Variants in ANXA11 observed in about 807,000 individuals in gnomAD.
ANXA11 encodes annexin A11, also known as 56 kDa autoantigen.
ANXA11 carries 57 observed loss-of-function variants against 64.7 expected under a neutral mutation model. The observed-to-expected ratio is 0.88, with a 90% CI of 0.71 to 1.10. ANXA11 has a LOEUF of 1.10. Ranked by LOEUF, ANXA11 falls within the 50% of genes least tolerant of loss-of-function variation. The pLI is 0.00. For synonymous variants in ANXA11, 260 were observed against 265.2 expected (o/e 0.98, Z 0.19); for missense variants, 675 against 670.7 (o/e 1.01, Z -0.07).
rs535327650 is a variant in ANXA11 at position 80,164,079 on chromosome 10, C to T, written c.923G>A (p.Arg308Gln). Residue 308 changes from arginine to glutamine, a missense_variant, in exon 9 of 16, where the codon CGA (arginine) becomes CAA (glutamine). By Grantham distance (43) the Arg-to-Gln change is conservative. Transcript: ENST00000422982. ...ILASRSNEHI[R>Q]ELNRAYKAEF... is the part of the protein sequence containing the mutation. ...TGCTTTGTAGGCTCTGTTTAATTCT[C>T]GGATGTGCTCATTGCTGCGGGAAGC... The T allele has an allele frequency of 8.7e-6, 14 of 1,613,994 alleles. No homozygotes were observed. Among genetic ancestry groups the T allele is most frequent in the Admixed American group, 8.3e-5 (5 of 59,998 alleles).
rs756529800 is a variant in ANXA11, at chr10:80,167,004, G to C, written c.650-20C>G. On this transcript the variant is annotated intron_variant, in intron 6 of 15. Transcript: ENST00000422982. ...CCGTCCCTGGAGGAAGAGGCAGCAG[G>C]GGTGGGTCGGGTAGGGGTCATGAGA... 2 of 1,549,274 alleles carry C rather than the reference G, an allele frequency of 1.3e-6. No homozygotes were observed. The highest frequency in any genetic ancestry group is 1.8e-6 in the Non-Finnish European group (2 of 1,138,142).
intron 1 of ANXA11, among the ~76,000 whole-genome samples, chr10:80,183,861 G>A (rs767577017): frequency 1.6e-4 from 25 of 152,220 alleles, no homozygotes; most frequent in Non-Finnish European, 1.8e-4. Context: ...TGAAGACGAG[G>A]GAAGGCAGAT....
At chr10:80,166,010 C>T (rs1845703703) in intron 8 of ANXA11, 74 bp downstream of exon 8, 1 of 879,864 alleles carries the variant, frequency 1.1e-6, no homozygotes, top group Non-Finnish European at 1.8e-6. Flanking sequence ...GGCTGTGTGT[C>T]CACACGCATG....
chr10:80,189,741 A>C (rs1301694706), intron 1 of ANXA11, among the ~76,000 whole-genome samples: 1 of 152,208 alleles, frequency 6.6e-6, no homozygotes, highest in East Asian at 1.9e-4. Context: ...ACTTTGGAAC[A>C]TTTCAGATTT....
chr10:80,192,681 C>T (rs1345824824), intron 1 of ANXA11, among the ~76,000 whole-genome samples: 3 of 152,174 alleles, frequency 2.0e-5, no homozygotes, highest in African/African-American at 7.2e-5. Context: ...ACTGGAAGGA[C>T]ACTGGACTTC....
At chr10:80,199,711 T>C (rs1413913128) in intron 1 of ANXA11, among the ~76,000 whole-genome samples, 3 of 152,150 alleles carry the variant, frequency 2.0e-5, no homozygotes, top group Admixed American at 2.0e-4. Flanking sequence ...TTTAAAAACA[T>C]ATATGTTGAA....
At chr10:80,197,918 C>T (rs1219850202) in intron 1 of ANXA11, among the ~76,000 whole-genome samples, 4 of 146,036 alleles carry the variant, frequency 2.7e-5, no homozygotes, top group Non-Finnish European at 6.1e-5. Context: ...AGTGAGACTC[C>T]GTCTCAAAAA....
At chr10:80,176,480 G>A (rs1284130927) in intron 1 of ANXA11, among the ~76,000 whole-genome samples, 1 of 152,234 alleles carries the variant, frequency 6.6e-6, no homozygotes, top group Non-Finnish European at 1.5e-5. Flanking sequence ...CGAGAGGAAA[G>A]GTGGGGCTAG....
chr10:80,164,902 C>T (rs949291362), intron 8 of ANXA11, among the ~76,000 whole-genome samples: 12 of 152,256 alleles, frequency 7.9e-5, no homozygotes, highest in African/African-American at 2.2e-4. Context: ...TTTCCTGCTA[C>T]AGCTACTATT....
chr10:80,156,784 G>A (rs375983808), intron 15 of ANXA11, among the ~76,000 whole-genome samples: 8 of 152,302 alleles, frequency 5.3e-5, no homozygotes, highest in East Asian at 3.9e-4. Flanking sequence ...GATTACAGGC[G>A]TGAGCCACTG....
chr10:80,192,118 T>C (rs552047259), intron 1 of ANXA11, among the ~76,000 whole-genome samples: 42 of 152,274 alleles, frequency 2.8e-4, no homozygotes, highest in African/African-American at 9.9e-4. Context: ...GGGCAGCCCA[T>C]GGGAGTTCAA....
Position 80,157,730 on chromosome 10 carries a change from T to C in ANXA11, c.1369A>G (p.Ile457Val), listed in dbSNP as rs1802932. 0.012 allele frequency: 18,929 copies of C among 1,613,916 alleles called. 149 individuals carry two copies. The highest frequency in any genetic ancestry group is 0.013 in the Non-Finnish European group (15,524 of 1,179,926). ...AGTKDRTLIRIMVSRSETDLL... is the reference protein window; with the variant it reads ...AGTKDRTLIRVMVSRSETDLL... ...TCGGTCTCGCTGCGAGACACCATGA[T>C]GCGAATCAGGGTCCGGTCCTTTGTT... The change falls in exon 15 of 16, where the codon ATC (isoleucine) becomes GTC (valine). Residue 457 changes from isoleucine (I) to valine (V), a missense_variant. By Grantham distance (29) the Ile-to-Val change is conservative (BLOSUM62 3). Transcript: ENST00000422982.
intron 14 of ANXA11, 85 bp downstream of exon 14, chr10:80,157,882 C>CCCCAGGCCTTCTGCCCTCAGCCCTTGGT (rs1196704779): frequency 1.9e-6 from 3 of 1,593,626 alleles, no homozygotes; most frequent in Non-Finnish European, 2.6e-6. Flanking sequence ...ATTTAGCTCT[C>CCCCAGGCCTTCTGCCCTCAGCCCTTGGT]CCCAGGCCTT....
At chr10:80,156,158 CA>C (rs904780222) in intron 15 of ANXA11, among the ~76,000 whole-genome samples, 2 of 151,618 alleles carry the variant, frequency 1.3e-5, no homozygotes, top group African/African-American at 2.4e-5. Context: ...TGAATACCCA[CA>C]AAAAAAAATT....
chr10:80,165,858 G>A (rs576234754), intron 8 of ANXA11, among the ~76,000 whole-genome samples: 2 of 152,192 alleles, frequency 1.3e-5, no homozygotes, highest in South Asian at 2.1e-4. Flanking sequence ...TGACTGGTGC[G>A]TCATTTGCCT....
Position 80,166,910 on chromosome 10 carries a change from A to C in ANXA11, c.724T>G (p.Phe242Val). The C allele has an allele frequency of 6.2e-7, 1 of 1,608,406 alleles. No individual in the cohort carries two copies. The highest frequency in any genetic ancestry group is 8.5e-7 in the Non-Finnish European group (1 of 1,177,992). The part of the protein sequence containing the change: ...NKQRQQILLS[F>V]KTAYGKDLIK... Reference sequence around the variant, plus strand: ...CTCGCCTTGCCGTAAGCCGTCTTGAAGGAAAGTAGGATCTGCTGCCGCTGC... The same window carrying C: ...CTCGCCTTGCCGTAAGCCGTCTTGACGGAAAGTAGGATCTGCTGCCGCTGC... Residue 242 changes from phenylalanine (F) to valine (V), a missense_variant, in exon 7 of 16, where the codon TTC (phenylalanine) becomes GTC (valine). Physicochemically the swap from Phe to Val is conservative, Grantham distance 50 (BLOSUM62 -1). Transcript: ENST00000422982.
chr10:80,157,467 C>A (rs1005098287), intron 15 of ANXA11, 174 bp downstream of exon 15: 3 of 985,242 alleles, frequency 3.0e-6, no homozygotes, highest in South Asian at 4.7e-5. Context: ...GATCCACCTG[C>A]CCTCAGAAAT....
At chr10:80,160,145 G>A (rs1179267907) in intron 12 of ANXA11, among the ~76,000 whole-genome samples, 1 of 152,190 alleles carries the variant, frequency 6.6e-6, no homozygotes, top group African/African-American at 2.4e-5. Flanking sequence ...TGCTCTGTGT[G>A]TATCTGTCTC....
At chr10:80,167,513 AAGCTTTTTCCTGGCTCCAGTGGCTGGG>A (rs1845796245) in intron 5 of ANXA11, among the ~76,000 whole-genome samples, 200 bp from the exon 6 acceptor site, 1 of 152,110 alleles carries the variant, frequency 6.6e-6, no homozygotes, top group Non-Finnish European at 1.5e-5. Flanking sequence ...TCTAGTACTG[AAGCTTTTTCCTGGCTCCAGTGGCTGGG>A]AGCTCACCTA....
Sources: allele counts gnomAD v4.1 joint callset (sites outside exome capture counted in the v4.1 genomes callset), GRCh38; gene constraint gnomAD v4.1.1; transcripts MANE v1.5; gene names NCBI Gene and HGNC (gene_info 2026-07-23, HGNC 2026-07-21).